The following KLF16 variants were observed in gnomAD, a reference collection of about 807,000 sequenced individuals.
The protein encoded by KLF16 is Krueppel-like factor 16.
A neutral mutation model predicts 6.1 loss-of-function variants in KLF16; 6 were observed. The observed-to-expected ratio is 0.98, with a 90% CI of 0.54 to 1.93. The LOEUF (loss-of-function observed/expected upper bound fraction) is 1.93. Among genes scored for constraint, KLF16 ranks in the 30% most tolerant of loss-of-function variants. The pLI is 0.01. For missense variants in KLF16, 355 were observed against 363.8 expected (o/e 0.98, Z 0.20); for synonymous variants, 211 against 176.5 (o/e 1.20, Z -1.55).
chr19:1,864,709 G>A (rs2012155990), upstream of KLF16, among the ~76,000 whole-genome samples: 1 of 151,556 alleles, frequency 6.6e-6, no homozygotes, highest in Non-Finnish European at 1.5e-5. Context: ...ACTGAGGCCA[G>A]GTATTCGGGC....
intron 1 of KLF16, 91 bp from the exon 2 acceptor site, chr19:1,854,851 T>C: frequency 7.1e-7 from 1 of 1,411,772 alleles, no homozygotes; most frequent in Non-Finnish European, 9.7e-7. Flanking sequence ...GTGGCGGGCA[T>C]TTGTCCCGTG....
chr19:1,854,483 G>T lies in KLF16; in HGVS notation c.735C>A (p.Pro245=). The change falls in exon 2 of 2, where the codon CCC becomes CCA. Residue 245 remains proline (P), a synonymous_variant. Coordinates refer to ENST00000250916, the MANE Select transcript of KLF16 (RefSeq NM_031918.4). ...LAGSPAPSPA[P]SPAPAGL is the part of the protein sequence containing the mutation. ...CCTACAGGCCTGCGGGGGCTGGGCT[G>T]GGCGCGGGGCTGGGCGCAGGGCTCC... 1 of 1,425,274 alleles carries T rather than the reference G, an allele frequency of 7.0e-7. No individual in the cohort carries two copies. Among genetic ancestry groups the T allele is most frequent in the Middle Eastern group, 2.5e-4 (1 of 3,942 alleles). 88.3% of individuals were successfully genotyped at this position (1,425,274 alleles called of 1,614,324 possible).
At chr19:1,860,005 A>G (rs2012030911) in intron 1 of KLF16, among the ~76,000 whole-genome samples, 1 of 151,812 alleles carries the variant, frequency 6.6e-6, no homozygotes, top group African/African-American at 2.4e-5. Context: ...TGCGGAGGAG[A>G]GAAGCCCTGG....
chr19:1,862,484 G>C (rs191738306), intron 1 of KLF16, among the ~76,000 whole-genome samples: 1 of 151,788 alleles, frequency 6.6e-6, no homozygotes, highest in African/African-American at 2.4e-5. Flanking sequence ...CCTCCCCCTC[G>C]TTAAAATACA....
intron 1 of KLF16, among the ~76,000 whole-genome samples, chr19:1,856,950 CGGGGT>C (rs2011962698): frequency 2.3e-5 from 1 of 43,272 alleles, no homozygotes; most frequent in Non-Finnish European, 3.8e-5. Flanking sequence ...AGCAGGTTGC[CGGGGT>C]GGGGGGGGCG....
chr19:1,872,275 C>G, the KLF16 span, among the ~76,000 whole-genome samples: 1 of 152,174 alleles, frequency 6.6e-6, no homozygotes, highest in African/African-American at 2.4e-5. Context: ...GGACTACAGG[C>G]GCCCGCCACC....
At position 1,863,541 on chromosome 19, in the gene KLF16, G is replaced by A. The variant is rs1294968534; in HGVS notation, c.-44C>T. 2.1e-6 allele frequency: 2 copies of A among 932,218 alleles called. No homozygotes were observed. Among genetic ancestry groups the A allele is most frequent in the South Asian group, 4.7e-5 (1 of 21,226 alleles). 57.7% of individuals were successfully genotyped at this position (932,218 alleles called of 1,614,324 possible). ...GCGCGGCGGGCGGAGCGGAGGCGGC[G>A]GGAGCGGCGTCCGTCCGGCCGGCGG... On this transcript the variant is annotated 5_prime_UTR_variant, in exon 1 of 2. Transcript: ENST00000250916.
intron 1 of KLF16, among the ~76,000 whole-genome samples, chr19:1,860,596 G>A (rs78418725): frequency 0.022 from 3,364 of 152,220 alleles, 60 homozygotes; most frequent in East Asian, 0.086. Context: ...TGCAGCCACC[G>A]GTGACTCGGG....
intron 1 of KLF16, among the ~76,000 whole-genome samples, chr19:1,859,491 C>T (rs1450482446): frequency 6.6e-6 from 1 of 152,094 alleles, no homozygotes; most frequent in African/African-American, 2.4e-5. Context: ...TGCCTCACTG[C>T]CGCCCCCAGC....
chr19:1,858,383 C>G (rs1407557775), intron 1 of KLF16, among the ~76,000 whole-genome samples: 1 of 152,154 alleles, frequency 6.6e-6, no homozygotes, highest in Non-Finnish European at 1.5e-5. Context: ...TGGCCTGGTG[C>G]CCCCCAAGCA....
chr19:1,870,215 C>A, the KLF16 span, among the ~76,000 whole-genome samples: 1 of 151,934 alleles, frequency 6.6e-6, no homozygotes, highest in African/African-American at 2.4e-5. Context: ...CAGGCGTGAG[C>A]CACCACACCC....
At chr19:1,859,091 T>G (rs1426559293) in intron 1 of KLF16, among the ~76,000 whole-genome samples, 1 of 65,154 alleles carries the variant, frequency 1.5e-5, no homozygotes, top group Non-Finnish European at 3.2e-5. Flanking sequence ...CCCCACCCCC[T>G]ATGGCCTGGC....
the KLF16 span, among the ~76,000 whole-genome samples, chr19:1,872,565 C>A: frequency 6.6e-6 from 1 of 152,338 alleles, no homozygotes; most frequent in South Asian, 2.1e-4. Flanking sequence ...CCTCCACGGA[C>A]ACACACACTG....
At chr19:1,870,104 G>T in the KLF16 span, among the ~76,000 whole-genome samples, 3 of 150,592 alleles carry the variant, frequency 2.0e-5, no homozygotes, top group Non-Finnish European at 4.4e-5. Flanking sequence ...GGCTAATTTT[G>T]TATTTTTAGT....
chr19:1,874,414 A>G, the KLF16 span, among the ~76,000 whole-genome samples: 1 of 152,108 alleles, frequency 6.6e-6, no homozygotes, highest in Non-Finnish European at 1.5e-5. Flanking sequence ...CAATTTGTGG[A>G]AAAAAAGTTT....
At chr19:1,866,775 CAAA>C (rs10672007), upstream of KLF16, among the ~76,000 whole-genome samples, 5 of 86,798 alleles carry the variant, frequency 5.8e-5, no homozygotes, top group Non-Finnish European at 4.2e-5. Flanking sequence ...GACCCTGTCT[CAAA>C]AAAAAAAAAA....
chr19:1,858,557 C>CT (rs1568732815), intron 1 of KLF16, among the ~76,000 whole-genome samples: 1 of 152,222 alleles, frequency 6.6e-6, no homozygotes, highest in African/African-American at 2.4e-5. Context: ...ACAGCAGGTG[C>CT]TTAATGCATA....
chr19:1,874,086 A>G, the KLF16 span, among the ~76,000 whole-genome samples: 1 of 152,196 alleles, frequency 6.6e-6, no homozygotes. Flanking sequence ...CTAGTACCAC[A>G]TGGATCAGAT....
intron 1 of KLF16, among the ~76,000 whole-genome samples, chr19:1,860,619 T>A (rs960551852): frequency 1.3e-5 from 2 of 152,066 alleles, no homozygotes; most frequent in African/African-American, 2.4e-5. Flanking sequence ...CGTCTGCGGA[T>A]CTTTCCCGGC....
Sources: allele counts gnomAD v4.1 joint callset (sites outside exome capture counted in the v4.1 genomes callset), GRCh38; gene constraint gnomAD v4.1.1; transcripts MANE v1.5; gene names NCBI Gene and HGNC (gene_info 2026-07-23, HGNC 2026-07-21).